MROH9: variants seen among roughly 807,000 people sequenced by gnomAD.
MROH9 encodes the protein maestro heat-like repeat-containing protein family member 9.
A neutral mutation model predicts 98.2 loss-of-function variants in MROH9; 92 were observed. The ratio of observed to expected loss-of-function variants is 0.94; its 90% confidence interval spans 0.79 to 1.11. The LOEUF is 1.11. Among genes scored for constraint, MROH9 ranks in the 50% most tolerant of loss-of-function variants. The pLI is 0.00. For synonymous variants in MROH9, 397 were observed against 368.9 expected (o/e 1.08, Z -0.87); for missense variants, 1,057 against 1,014.8 (o/e 1.04, Z -0.57).
At chr1:171,026,591 G>A (rs72710580) in intron 20 of MROH9, among the ~76,000 whole-genome samples, 14,117 of 152,108 alleles carry the variant, frequency 0.093, 770 homozygotes, top group Middle Eastern at 0.17. Flanking sequence ...CTTTATTTCA[G>A]ACCAGAAATA....
intron 1 of MROH9, among the ~76,000 whole-genome samples, chr1:170,939,271 A>G (rs1649021670): frequency 6.6e-6 from 1 of 152,266 alleles, no homozygotes; most frequent in African/African-American, 2.4e-5. Context: ...ATAATCACAC[A>G]TCTGGCTATT....
In MROH9 at chr1:170,956,582, C is replaced by CTT. The variant is rs869218785; in HGVS notation, c.73-1868_73-1867dup. 1.8e-3 allele frequency among the ~76,000 whole-genome samples: 211 copies of CTT among 114,806 alleles called. 1 individual carries two copies. The highest frequency in any genetic ancestry group is 6.9e-3 in the African/African-American group (197 of 28,402). The allele number at this position is 114,806 out of a possible 152,430, so 75.3% of individuals were successfully genotyped here. ...TGTTGTTGGTTTGTTTTTCTCTTTCCTTTTTTTTTTTTGTTTTTTTTTTTT... is the reference window on the plus strand; with the variant it reads ...TGTTGTTGGTTTGTTTTTCTCTTTCCTTTTTTTTTTTTTTGTTTTTTTTTTTT... On this transcript the variant is annotated intron_variant, in intron 3 of 21. Coordinates refer to ENST00000367759, the MANE Select transcript of MROH9 (RefSeq NM_001163629.2).
At chr1:170,985,703 G>A (rs936775352) in intron 9 of MROH9, among the ~76,000 whole-genome samples, 1 of 151,986 alleles carries the variant, frequency 6.6e-6, no homozygotes, top group African/African-American at 2.4e-5. Flanking sequence ...CTTAAAGTAG[G>A]GCAAACTATT....
chr1:171,000,239 T>C (rs1323261356), intron 15 of MROH9, among the ~76,000 whole-genome samples: 2 of 152,140 alleles, frequency 1.3e-5, no homozygotes, highest in African/African-American at 2.4e-5. Context: ...TTTGGGTTCT[T>C]GGTCATGAAA....
rs1407110365 is a variant in MROH9, at chr1:170,989,927, G to T, written c.952G>T (p.Val318Phe). 2 of 1,613,428 alleles carry T rather than the reference G, an allele frequency of 1.2e-6. No homozygotes were observed. Among genetic ancestry groups the T allele is most frequent in the South Asian group, 1.1e-5 (1 of 91,028 alleles). ...TTGTATGAAGGATGTTATGTTGCAGGTTATCACTTTGTTGACATGCACTTC... is the reference window on the plus strand; with the variant it reads ...TTGTATGAAGGATGTTATGTTGCAGTTTATCACTTTGTTGACATGCACTTC... ...NNCMKDVMLQ[V>F]ITLLTCTSPK... The change falls in exon 11 of 22, where the codon GTT becomes TTT. Residue 318 changes from valine to phenylalanine, a missense_variant. Transcript: ENST00000367759.
At chr1:170,956,381 C>T (rs747782750) in intron 3 of MROH9, among the ~76,000 whole-genome samples, 20 of 151,834 alleles carry the variant, frequency 1.3e-4, no homozygotes, top group Admixed American at 9.8e-4. Flanking sequence ...ATGGGGATTG[C>T]GTTGAATTTG....
chr1:171,027,181 T>TA (rs1652742229), intron 20 of MROH9, among the ~76,000 whole-genome samples: 1 of 152,022 alleles, frequency 6.6e-6, no homozygotes, highest in Non-Finnish European at 1.5e-5. Context: ...CCCTATTGAC[T>TA]GGCCCTCTAA....
At chr1:171,005,478 G>A (rs1462638814) in intron 15 of MROH9, among the ~76,000 whole-genome samples, 3 of 152,082 alleles carry the variant, frequency 2.0e-5, no homozygotes, top group Non-Finnish European at 4.4e-5. Context: ...AGTTTTCAGT[G>A]TACAGGTCTG....
intron 1 of MROH9, among the ~76,000 whole-genome samples, chr1:170,939,895 A>G (rs1649054026): frequency 6.6e-6 from 1 of 152,148 alleles, no homozygotes; most frequent in South Asian, 2.1e-4. Context: ...CTTGCACTTC[A>G]ATTCACTGCC....
rs541066781 is a variant in MROH9 at position 170,993,148 on chromosome 1, G to T, written c.1194+819G>T. 2.8e-4 allele frequency among the ~76,000 whole-genome samples: 42 copies of T among 152,178 alleles called. No homozygotes were observed. The South Asian group carries it at 8.7e-3, about 32-fold the overall frequency. On this transcript the variant is annotated intron_variant, in intron 12 of 21. Coordinates refer to ENST00000367759, the MANE Select transcript of MROH9 (RefSeq NM_001163629.2). ...AGTCTAAAATTTCTATCATCTAATT[G>T]AATCCCCAAACTGTAATGACAGGTT...
chr1:170,953,728 GAAAGAAAAGA>G (rs3980711), intron 3 of MROH9, among the ~76,000 whole-genome samples: 2,206 of 141,942 alleles, frequency 0.016, 24 homozygotes, highest in African/African-American at 0.018. Flanking sequence ...GTAGATTAGG[GAAAGAAAAGA>G]AAAGAAAAGA....
At position 170,983,514 on chromosome 1, in the gene MROH9, G is replaced by T. The variant is rs1384166215; in HGVS notation, c.709G>T (p.Asp237Tyr). 6.2e-7 allele frequency: 1 copy of T among 1,610,672 alleles called. No individual in the cohort carries two copies. The highest frequency in any genetic ancestry group is 1.1e-5 in the South Asian group (1 of 90,938). The change falls in exon 9 of 22, where the codon GAC (aspartate) becomes TAC (tyrosine). Residue 237 changes from aspartate to tyrosine, a missense_variant. By Grantham distance (160) the Asp-to-Tyr change is radical (BLOSUM62 -3). Coordinates refer to ENST00000367759, the MANE Select transcript of MROH9 (RefSeq NM_001163629.2). ...ATTTCTACCCAAGGAGTTTCAACAAGACGAAAGTAAAATAGCTCAGGTAAC... is the reference window on the plus strand; with the variant it reads ...ATTTCTACCCAAGGAGTTTCAACAATACGAAAGTAAAATAGCTCAGGTAAC... ...VEFLPKEFQQDESKIAQRVGQ... is the reference protein window; with the variant it reads ...VEFLPKEFQQYESKIAQRVGQ...
chr1:170,965,938 A>T (rs1650219173), intron 7 of MROH9, among the ~76,000 whole-genome samples: 1 of 152,112 alleles, frequency 6.6e-6, no homozygotes, highest in South Asian at 2.1e-4. Flanking sequence ...ATTATTTTAA[A>T]TACAGTATAT....
intron 15 of MROH9, among the ~76,000 whole-genome samples, chr1:170,999,385 G>A (rs2101817755): frequency 6.6e-6 from 1 of 152,136 alleles, no homozygotes; most frequent in South Asian, 2.1e-4. Context: ...TCATAGCTTA[G>A]CTCTCACATA....
At chr1:171,001,866 C>T (rs1010506279) in intron 15 of MROH9, among the ~76,000 whole-genome samples, 6 of 151,804 alleles carry the variant, frequency 4.0e-5, no homozygotes, top group African/African-American at 1.2e-4. Flanking sequence ...TATTGTGTTG[C>T]TGTCTATCTC....
At chr1:171,021,812 G>C (rs1652528576) in intron 17 of MROH9, among the ~76,000 whole-genome samples, 1 of 151,832 alleles carries the variant, frequency 6.6e-6, no homozygotes, top group African/African-American at 2.4e-5. Context: ...AGGGTGAATA[G>C]GCAACCTACA....
chr1:170,970,090 T>A (rs1379725008), intron 7 of MROH9, among the ~76,000 whole-genome samples: 1 of 152,164 alleles, frequency 6.6e-6, no homozygotes. Context: ...TACACCTAGA[T>A]AGATCCTAAC....
At chr1:171,053,754 T>C (rs974043188) in intron 20 of MROH9, among the ~76,000 whole-genome samples, 3 of 152,052 alleles carry the variant, frequency 2.0e-5, no homozygotes, top group African/African-American at 7.2e-5. Flanking sequence ...AGCAGCATAT[T>C]AGAAAAAGCT....
intron 3 of MROH9, among the ~76,000 whole-genome samples, chr1:170,952,460 T>G (rs1649589496): frequency 1.3e-5 from 2 of 151,964 alleles, no homozygotes; most frequent in African/African-American, 4.8e-5. Flanking sequence ...GGGACATGGA[T>G]GAAGCTGGAA....
Sources: gnomAD v4.1 joint callset for allele counts (sites outside exome capture counted in the v4.1 genomes callset) on GRCh38, gnomAD v4.1.1 for gene constraint, MANE v1.5 for transcripts, NCBI Gene and HGNC (gene_info 2026-07-23, HGNC 2026-07-21) for gene names.